Variants in NAALADL2 observed in about 807,000 individuals in gnomAD.
The protein encoded by NAALADL2 is N-acetylated alpha-linked acidic dipeptidase like 2.
A neutral mutation model predicts 87.2 loss-of-function variants in NAALADL2; 76 were observed. The observed-to-expected ratio is 0.87, with a 90% CI of 0.72 to 1.05. The LOEUF (loss-of-function observed/expected upper bound fraction) is 1.05. Among genes scored for constraint, NAALADL2 ranks in the 50% least tolerant of loss-of-function variants. The probability of loss-of-function intolerance (pLI) is 0.00; values close to 1 mark genes in which losing one functional copy is unlikely to be tolerated. For synonymous variants in NAALADL2, 354 were observed against 331.0 expected (o/e 1.07, Z -0.75); for missense variants, 1,089 against 945.8 (o/e 1.15, Z -1.99).
At chr3:175,570,705 C>A (rs1473158825) in intron 9 of NAALADL2, among the ~76,000 whole-genome samples, 1 of 151,798 alleles carries the variant, frequency 6.6e-6, no homozygotes, top group African/African-American at 2.4e-5. Context: ...ATGGTGAAAC[C>A]CTGTTTCTAT....
At position 175,457,938 on chromosome 3, in the gene NAALADL2, T is replaced by A. The variant is rs773471785; in HGVS notation, c.1235-5463T>A. Reference sequence around the variant, plus strand: ...TGCCAGTATTGAGTCATTACTTAATTAGGATTTATATTCATAATAGATTCA... The same window carrying A: ...TGCCAGTATTGAGTCATTACTTAATAAGGATTTATATTCATAATAGATTCA... On this transcript the variant is annotated intron_variant, in intron 6 of 13. Transcript: ENST00000454872. Among the ~76,000 whole-genome samples the A allele has an allele frequency of 1.1e-4, 17 of 152,230 alleles. 1 individual carries two copies. Among genetic ancestry groups the A allele is most frequent in the African/African-American group, 2.9e-4 (12 of 41,544 alleles).
chr3:174,968,662 TAG>T lies in NAALADL2; in HGVS notation c.43+109216_43+109217del, dbSNP rs1452032880. 6.6e-5 allele frequency among the ~76,000 whole-genome samples: 10 copies of T among 152,228 alleles called. No individual in the cohort carries two copies. In the East Asian group the frequency reaches 1.9e-3, roughly 29 times the overall value. ...GCCCAGCTAATTTTTGTATTTTTAT[TAG>T]AGACGGGGTTTCACCAAGTTGACCA... On this transcript the variant is annotated intron_variant, in intron 1 of 13. Coordinates refer to ENST00000454872, the MANE Select transcript of NAALADL2 (RefSeq NM_207015.3).
intron 5 of NAALADL2, among the ~76,000 whole-genome samples, chr3:175,351,695 G>A (rs1019058106): frequency 2.6e-5 from 4 of 151,994 alleles, no homozygotes; most frequent in African/African-American, 9.7e-5. Flanking sequence ...AGCGAATTGC[G>A]ATATCTTCAG....
intron 1 of NAALADL2, among the ~76,000 whole-genome samples, chr3:175,039,108 GTTTTC>G (rs1464556189): frequency 6.6e-6 from 1 of 152,094 alleles, no homozygotes; most frequent in Non-Finnish European, 1.5e-5. Flanking sequence ...AGAAAAATAT[GTTTTC>G]TTTCCTTATC....
intron 2 of NAALADL2, among the ~76,000 whole-genome samples, chr3:174,630,332 C>T (rs1026148183): frequency 1.3e-5 from 2 of 152,076 alleles, no homozygotes; most frequent in Non-Finnish European, 2.9e-5. Flanking sequence ...CTTTATTTCT[C>T]CTGTTTTAGA....
intron 1 of NAALADL2, among the ~76,000 whole-genome samples, chr3:174,924,037 T>C (rs1198953007): frequency 6.6e-6 from 1 of 152,204 alleles, no homozygotes; most frequent in Admixed American, 6.5e-5. Context: ...GGTATCTTAC[T>C]TGTTCAGGAA....
chr3:175,640,085 T>C (rs1729088508), intron 11 of NAALADL2, among the ~76,000 whole-genome samples: 1 of 152,206 alleles, frequency 6.6e-6, no homozygotes. Flanking sequence ...CTTTAATAAA[T>C]AATAAAAGTA....
intron 2 of NAALADL2, among the ~76,000 whole-genome samples, chr3:174,609,674 G>T (rs1000889620): frequency 1.3e-5 from 2 of 152,006 alleles, no homozygotes; most frequent in Admixed American, 6.6e-5. Flanking sequence ...AGTATACAAA[G>T]AAATGGAGGA....
intron 2 of NAALADL2, among the ~76,000 whole-genome samples, chr3:174,630,657 G>T (rs1722023610): frequency 6.6e-6 from 1 of 152,120 alleles, no homozygotes; most frequent in African/African-American, 2.4e-5. Context: ...GTGGGAAAGG[G>T]TTATAAATAA....
chr3:174,875,674 A>G (rs936772836), intron 1 of NAALADL2, among the ~76,000 whole-genome samples: 1 of 152,148 alleles, frequency 6.6e-6, no homozygotes, highest in African/African-American at 2.4e-5. Context: ...AAAGAAAAAA[A>G]ATGTGTGTCC....
At chr3:174,600,991 C>G (rs58710479) in intron 2 of NAALADL2, among the ~76,000 whole-genome samples, 3,481 of 152,252 alleles carry the variant, frequency 0.023, 124 homozygotes, top group African/African-American at 0.078. Context: ...TATTTTGATA[C>G]AGGCATGCAA....
chr3:174,844,901 A>T (rs531286594), intron 3 of NAALADL2, among the ~76,000 whole-genome samples: 19 of 116,482 alleles, frequency 1.6e-4, no homozygotes, highest in African/African-American at 6.5e-4. Flanking sequence ...CAGGCTCTGC[A>T]GGGGTATGAA....
intron 2 of NAALADL2, among the ~76,000 whole-genome samples, chr3:174,641,116 C>T (rs910086317): frequency 2.0e-5 from 3 of 152,088 alleles, no homozygotes; most frequent in Non-Finnish European, 2.9e-5. Flanking sequence ...TGCTCAGGTG[C>T]GCCCTTTAAG....
intron 2 of NAALADL2, among the ~76,000 whole-genome samples, chr3:174,730,417 G>A (rs539023168): frequency 6.6e-5 from 10 of 152,120 alleles, no homozygotes; most frequent in East Asian, 1.9e-4. Context: ...ATCCAGGCCC[G>A]TATTTTCCAT....
At chr3:175,272,790 GTTAT>G (rs1408616353) in intron 4 of NAALADL2, among the ~76,000 whole-genome samples, 2 of 152,018 alleles carry the variant, frequency 1.3e-5, no homozygotes, top group Admixed American at 6.6e-5. Flanking sequence ...GAAGCTGTAG[GTTAT>G]TTAATCTGTT....
intron 6 of NAALADL2, among the ~76,000 whole-genome samples, chr3:175,462,190 A>G (rs527973759): frequency 6.6e-6 from 1 of 152,074 alleles, no homozygotes; most frequent in East Asian, 1.9e-4. Flanking sequence ...GACAGAGGGT[A>G]TTGGGGAACT....
At chr3:175,070,528 A>G (rs1580290630) in intron 1 of NAALADL2, among the ~76,000 whole-genome samples, 1 of 152,090 alleles carries the variant, frequency 6.6e-6, no homozygotes, top group Non-Finnish European at 1.5e-5. Flanking sequence ...GCTGGCTTTT[A>G]AAAATTGATA....
chr3:175,765,874 A>G (rs1484240458), intron 13 of NAALADL2, among the ~76,000 whole-genome samples: 2 of 152,128 alleles, frequency 1.3e-5, no homozygotes, highest in Non-Finnish European at 2.9e-5. Context: ...CTTTATACAT[A>G]TAAGAAAACC....
rs1472197226 is a variant in NAALADL2 at position 175,160,352 on chromosome 3, T to TTTTC, written c.545+63069_545+63072dup. ...TAAAAATATATATTATATGTGTATC[T>TTTTC]TTTCTTTCTTTTTTTTTTTTTTTTT... is the stretch of plus-strand genomic sequence containing the variant. On this transcript the variant is annotated intron_variant, in intron 2 of 13. Transcript: ENST00000454872. 1.4e-3 allele frequency among the ~76,000 whole-genome samples: 204 copies of TTTTC among 142,016 alleles called. 2 individuals carry two copies. The highest frequency in any genetic ancestry group is 4.9e-3 in the African/African-American group (188 of 38,644). 93.2% of individuals were successfully genotyped at this position (142,016 alleles called of 152,430 possible). A position where few individuals can be genotyped will look rare whatever the true frequency, so the allele number is the denominator to read the frequency against.
Sources: gnomAD v4.1 joint callset for allele counts (sites outside exome capture counted in the v4.1 genomes callset) on GRCh38, gnomAD v4.1.1 for gene constraint, MANE v1.5 for transcripts, NCBI Gene and HGNC (gene_info 2026-07-23, HGNC 2026-07-21) for gene names.